GALNT13: variants seen among roughly 807,000 people sequenced by gnomAD.
GALNT13 encodes the protein polypeptide N-acetylgalactosaminyltransferase 13.
GALNT13 carries 28 observed loss-of-function variants against 64.2 expected under a neutral mutation model. That is an observed-to-expected ratio of 0.44 (90% confidence interval 0.32 to 0.60). The LOEUF (loss-of-function observed/expected upper bound fraction) is 0.60. Among genes scored for constraint, GALNT13 ranks in the 20% least tolerant of loss-of-function variants. GALNT13 has a pLI of 0.05. For missense variants in GALNT13, 577 were observed against 669.8 expected (o/e 0.86, Z 1.53); for synonymous variants, 214 against 224.6 (o/e 0.95, Z 0.42).
chr2:153,855,292 A>C, the GALNT13 span, among the ~76,000 whole-genome samples: 1 of 152,210 alleles, frequency 6.6e-6, no homozygotes, highest in Admixed American at 6.5e-5. Context: ...TAGGTAGGGA[A>C]AATATTCCTT....
chr2:153,433,084 C>A, the GALNT13 span, among the ~76,000 whole-genome samples: 1 of 151,708 alleles, frequency 6.6e-6, no homozygotes, highest in African/African-American at 2.4e-5. Context: ...AGAGGTCAAG[C>A]CTTACTGTAA....
intron 1 of GALNT13, among the ~76,000 whole-genome samples, chr2:153,886,426 G>A (rs113553055): frequency 0.071 from 10,768 of 151,324 alleles, 446 homozygotes; most frequent in Middle Eastern, 0.13. Flanking sequence ...AGAAAATGTG[G>A]CACATATACA....
chr2:153,918,155 A>C (rs11691174), intron 2 of GALNT13, among the ~76,000 whole-genome samples: 1 of 152,024 alleles, frequency 6.6e-6, no homozygotes, highest in Middle Eastern at 3.2e-3. Flanking sequence ...GATTCAGCCA[A>C]GTTTAAAATA....
the GALNT13 span, among the ~76,000 whole-genome samples, chr2:153,206,492 C>A: frequency 0.82 from 124,691 of 152,018 alleles, 52,249 homozygotes; most frequent in African/African-American, 0.88. Context: ...AACCTATTGT[C>A]TGTTTAGTTC....
At chr2:153,232,231 G>A in the GALNT13 span, among the ~76,000 whole-genome samples, 2 of 152,130 alleles carry the variant, frequency 1.3e-5, no homozygotes, top group Non-Finnish European at 2.9e-5. Context: ...GCATAGCACT[G>A]AGAATGGGTT....
chr2:153,800,045 G>GCTCTCTCTCTCTCTCTCTCTCTCTCTCT, the GALNT13 span, among the ~76,000 whole-genome samples: 34 of 119,014 alleles, frequency 2.9e-4, 2 homozygotes, highest in Non-Finnish European at 4.7e-4. Flanking sequence ...CATTTAGTTT[G>GCTCTCTCTCTCTCTCTCTCTCTCTCTCT]CTCTCTCTCT....
At chr2:154,409,958 C>G (rs575178797) in intron 11 of GALNT13, among the ~76,000 whole-genome samples, 1 of 151,810 alleles carries the variant, frequency 6.6e-6, no homozygotes, top group South Asian at 2.1e-4. Context: ...TTTTGGCGCA[C>G]CATACTTCAA....
At chr2:154,372,744 A>G (rs1206569448) in intron 9 of GALNT13, among the ~76,000 whole-genome samples, 3 of 152,042 alleles carry the variant, frequency 2.0e-5, no homozygotes, top group Non-Finnish European at 4.4e-5. Flanking sequence ...GGGTAGTGAA[A>G]TTGTCTGTGA....
At chr2:153,330,756 G>A in the GALNT13 span, among the ~76,000 whole-genome samples, 5 of 152,046 alleles carry the variant, frequency 3.3e-5, no homozygotes, top group African/African-American at 7.2e-5. Context: ...TTTCCCATTC[G>A]TATGCCTTTT....
At chr2:154,393,871 G>A (rs539153113) in intron 9 of GALNT13, among the ~76,000 whole-genome samples, 1 of 151,506 alleles carries the variant, frequency 6.6e-6, no homozygotes, top group Admixed American at 6.6e-5. Flanking sequence ...GAGGTCAGGA[G>A]ATCGAGACCA....
the GALNT13 span, among the ~76,000 whole-genome samples, chr2:153,373,656 T>C: frequency 6.6e-6 from 1 of 152,212 alleles, no homozygotes. Flanking sequence ...CAATGTTGGG[T>C]GATCATTAAC....
chr2:153,842,273 G>C, the GALNT13 span, among the ~76,000 whole-genome samples: 1 of 152,076 alleles, frequency 6.6e-6, no homozygotes, highest in Non-Finnish European at 1.5e-5. Context: ...GCCAACTACT[G>C]TCACTCAGAG....
At chr2:154,449,106 T>C (rs1015345039) in intron 12 of GALNT13, among the ~76,000 whole-genome samples, 11 of 152,030 alleles carry the variant, frequency 7.2e-5, no homozygotes, top group Non-Finnish European at 1.6e-4. Context: ...TTGCCTATCT[T>C]TGGCCATTTA....
the GALNT13 span, among the ~76,000 whole-genome samples, chr2:153,560,750 G>T: frequency 2.0e-5 from 3 of 151,934 alleles, no homozygotes; most frequent in African/African-American, 7.2e-5. Flanking sequence ...CATGAGATAT[G>T]ATAGGTCCCC....
intron 12 of GALNT13, among the ~76,000 whole-genome samples, chr2:154,441,551 A>G (rs1309911826): frequency 3.9e-5 from 6 of 152,082 alleles, no homozygotes; most frequent in Admixed American, 3.9e-4. Context: ...AAGCATAAAG[A>G]TTACACCGCT....
the GALNT13 span, among the ~76,000 whole-genome samples, chr2:153,815,647 G>C: frequency 6.6e-6 from 1 of 152,102 alleles, no homozygotes; most frequent in Non-Finnish European, 1.5e-5. Flanking sequence ...CATTAGGCAA[G>C]ATCATTAACT....
At chr2:154,288,576 A>G (rs1235366521) in intron 8 of GALNT13, among the ~76,000 whole-genome samples, 1 of 152,230 alleles carries the variant, frequency 6.6e-6, no homozygotes, top group Non-Finnish European at 1.5e-5. Context: ...ATGGGGGTAC[A>G]GTCATTCAGA....
chr2:154,221,179 C>G (rs1688305092), intron 4 of GALNT13, among the ~76,000 whole-genome samples: 1 of 151,976 alleles, frequency 6.6e-6, no homozygotes, highest in South Asian at 2.1e-4. Flanking sequence ...TTCTTGAATA[C>G]AGGCTGTTAC....
At chr2:154,099,935 A>G (rs1033166259) in intron 3 of GALNT13, among the ~76,000 whole-genome samples, 3 of 152,004 alleles carry the variant, frequency 2.0e-5, no homozygotes, top group Non-Finnish European at 4.4e-5. Flanking sequence ...GAGACCTTCA[A>G]AAAAATTCCA....
Sources: gnomAD v4.1 joint callset for allele counts (sites outside exome capture counted in the v4.1 genomes callset) on GRCh38, gnomAD v4.1.1 for gene constraint, MANE v1.5 for transcripts, NCBI Gene and HGNC (gene_info 2026-07-23, HGNC 2026-07-21) for gene names.